Variants in TRPC5 observed in about 807,000 individuals in gnomAD.
TRPC5 encodes transient receptor potential cation channel subfamily C member 5.
A neutral mutation model predicts 56.5 loss-of-function variants in TRPC5; 9 were observed. The observed-to-expected ratio is 0.16, with a 90% CI of 0.10 to 0.28. The LOEUF is 0.28. Ranked by LOEUF, TRPC5 falls within the 10% of genes least tolerant of loss-of-function variation. TRPC5 has a pLI of 1.00. For missense variants in TRPC5, 469 were observed against 748.9 expected (o/e 0.63, Z 4.36); for synonymous variants, 282 against 278.5 (o/e 1.01, Z -0.13).
chrX:112,009,722 T>G (rs1254567917), intron 1 of TRPC5, among the ~76,000 whole-genome samples: 1 of 111,381 alleles, frequency 9.0e-6, no homozygotes, highest in Non-Finnish European at 1.9e-5. Flanking sequence ...GGGTAGAGCC[T>G]CTGCCCTTCC....
At chrX:111,885,134 A>G (rs896648177) in intron 3 of TRPC5, among the ~76,000 whole-genome samples, 1 of 113,130 alleles carries the variant, frequency 8.8e-6, no homozygotes, top group Non-Finnish European at 1.9e-5. Flanking sequence ...GCCACAGCCC[A>G]GTTAGCTTAG....
In TRPC5 at chrX:111,775,497, G is replaced by A. The variant is rs1450224703; in HGVS notation, c.*816C>T. 1 of 112,014 alleles carries A rather than the reference G, an allele frequency of 8.9e-6. No individual in the cohort carries two copies. Among genetic ancestry groups the A allele is most frequent in the African/African-American group, 3.2e-5 (1 of 30,853 alleles). The allele number at this position is 112,014 out of a possible 1,213,427, so 9.2% of individuals were successfully genotyped here. ...AGTGACTATTGGTTAGAGTGTAGTA[G>A]ATGTTTTTAAAAAATAGCACAAATT... On this transcript the variant is annotated 3_prime_UTR_variant, in exon 11 of 11. Transcript: ENST00000262839.
In TRPC5 at chrX:111,964,561, G is replaced by C. The variant is rs1927499802; in HGVS notation, c.-21-12120C>G. Among the ~76,000 whole-genome samples the C allele has an allele frequency of 4.5e-5, 5 of 112,080 alleles. No homozygotes were observed. In the Admixed American group the frequency reaches 4.7e-4, roughly 11 times the overall value. ...GTTGAAATGAAGGAAAAAATGTTAA[G>C]GGCAGCGAGAGAGAAAGGTGGGGTT... On this transcript the variant is annotated intron_variant, in intron 1 of 10. Coordinates refer to ENST00000262839, the MANE Select transcript of TRPC5 (RefSeq NM_012471.3).
intron 1 of TRPC5, among the ~76,000 whole-genome samples, chrX:112,025,258 T>C (rs146540482): frequency 1.1e-3 from 126 of 112,060 alleles, no homozygotes; most frequent in African/African-American, 3.9e-3. Context: ...TGGGATAAAA[T>C]TTGGTATTTT....
At chrX:111,889,062 T>C (rs1207294700) in intron 3 of TRPC5, among the ~76,000 whole-genome samples, 2 of 112,052 alleles carry the variant, frequency 1.8e-5, no homozygotes, top group African/African-American at 6.5e-5. Context: ...TAAACAAGTA[T>C]GAGATTTTGG....
chrX:111,878,575 G>A (rs1364985565), intron 3 of TRPC5, among the ~76,000 whole-genome samples: 1 of 111,760 alleles, frequency 8.9e-6, no homozygotes. Flanking sequence ...AGACTGTTCT[G>A]TGTACTGTAG....
intron 3 of TRPC5, among the ~76,000 whole-genome samples, chrX:111,888,815 G>A (rs1025307991): frequency 9.0e-6 from 1 of 110,567 alleles, no homozygotes; most frequent in African/African-American, 3.3e-5. Flanking sequence ...GTAGATGATA[G>A]TGTGATGGTG....
At chrX:112,023,240 TTTTTTG>T (rs1268565635) in intron 1 of TRPC5, among the ~76,000 whole-genome samples, 1 of 97,288 alleles carries the variant, frequency 1.0e-5, no homozygotes, top group African/African-American at 4.3e-5. Context: ...AGCAGTTTTT[TTTTTTG>T]TTTTTTTTTT....
chrX:112,075,793 G>A (rs1246705738), intron 1 of TRPC5, among the ~76,000 whole-genome samples: 1 of 111,732 alleles, frequency 8.9e-6, no homozygotes, highest in Non-Finnish European at 1.9e-5. Context: ...AGGAATGTGG[G>A]TTGTCTCTAG....
chrX:112,000,666 CTT>C (rs1448987084), intron 1 of TRPC5, among the ~76,000 whole-genome samples: 4 of 112,178 alleles, frequency 3.6e-5, no homozygotes, highest in Non-Finnish European at 7.5e-5. Context: ...ATTGCCAACA[CTT>C]AGGATAGGTA....
At chrX:111,993,541 C>T (rs1928425995) in intron 1 of TRPC5, among the ~76,000 whole-genome samples, 1 of 112,339 alleles carries the variant, frequency 8.9e-6, no homozygotes, top group African/African-American at 3.2e-5. Flanking sequence ...ATTCCTATTT[C>T]TCCACATCCT....
intron 2 of TRPC5, among the ~76,000 whole-genome samples, chrX:111,943,297 A>G: frequency 8.9e-6 from 1 of 111,969 alleles, no homozygotes; most frequent in South Asian, 3.8e-4. Context: ...TTCTGCTTTT[A>G]TATTAAATGT....
At chrX:112,000,176 C>T (rs1928661278) in intron 1 of TRPC5, among the ~76,000 whole-genome samples, 1 of 111,189 alleles carries the variant, frequency 9.0e-6, no homozygotes, top group Non-Finnish European at 1.9e-5. Flanking sequence ...TTAGAATCAC[C>T]AGCAGATTTC....
chrX:111,808,021 G>T (rs1299480940), intron 7 of TRPC5, among the ~76,000 whole-genome samples: 1 of 108,530 alleles, frequency 9.2e-6, no homozygotes, highest in Non-Finnish European at 1.9e-5. Flanking sequence ...GAGTTGGGGG[G>T]AGGTAACACA....
chrX:111,941,596 G>A (rs140545597), intron 2 of TRPC5, among the ~76,000 whole-genome samples: 2,923 of 111,982 alleles, frequency 0.026, 105 homozygotes, highest in African/African-American at 0.09. Flanking sequence ...TTGAAATGCA[G>A]GGCACTGCAT....
chrX:111,825,195 CT>C (rs1312301740), intron 7 of TRPC5, among the ~76,000 whole-genome samples: 8 of 81,327 alleles, frequency 9.8e-5, no homozygotes, highest in African/African-American at 2.0e-4. Context: ...TTCTTTCTTT[CT>C]TTCTTTCTTT....
chrX:111,817,425 C>G (rs1165488590), intron 7 of TRPC5, among the ~76,000 whole-genome samples: 1 of 105,151 alleles, frequency 9.5e-6, no homozygotes, highest in Non-Finnish European at 1.9e-5. Flanking sequence ...CTCCAAGGTT[C>G]AAGCAATTCT....
intron 10 of TRPC5, among the ~76,000 whole-genome samples, chrX:111,777,939 T>C (rs1032802519): frequency 8.9e-6 from 1 of 112,657 alleles, no homozygotes; most frequent in African/African-American, 3.2e-5. Flanking sequence ...TCACCCTTTA[T>C]TATTGTTTGT....
At chrX:111,944,662 T>C (rs1180309268) in intron 2 of TRPC5, among the ~76,000 whole-genome samples, 1 of 110,578 alleles carries the variant, frequency 9.0e-6, no homozygotes, top group Non-Finnish European at 1.9e-5. Context: ...ATCTTCATAA[T>C]AAAAAGGAGA....
Sources: gnomAD v4.1 joint callset for allele counts (sites outside exome capture counted in the v4.1 genomes callset) on GRCh38, gnomAD v4.1.1 for gene constraint, MANE v1.5 for transcripts, NCBI Gene and HGNC (gene_info 2026-07-23, HGNC 2026-07-21) for gene names.